RETREG1: variants seen among roughly 807,000 people sequenced by gnomAD.
RETREG1 encodes reticulophagy regulator 1, also known as family with sequence similarity 134 member B.
A neutral mutation model predicts 54.8 loss-of-function variants in RETREG1; 44 were observed. The observed-to-expected ratio is 0.80, with a 90% CI of 0.63 to 1.03. RETREG1 has a LOEUF of 1.03. Among genes scored for constraint, RETREG1 ranks in the 50% least tolerant of loss-of-function variants. RETREG1 has a pLI of 0.00. For missense variants in RETREG1, 554 were observed against 605.1 expected (o/e 0.92, Z 0.89); for synonymous variants, 217 against 238.5 (o/e 0.91, Z 0.83).
intron 3 of RETREG1, among the ~76,000 whole-genome samples, chr5:16,483,883 A>G (rs552256046): frequency 6.6e-6 from 1 of 152,204 alleles, no homozygotes; most frequent in East Asian, 1.9e-4. Context: ...ACTCCAGCAA[A>G]GTCAACCAGA....
chr5:16,493,587 T>C (rs11133848), intron 3 of RETREG1, among the ~76,000 whole-genome samples: 37,640 of 152,006 alleles, frequency 0.25, 5,336 homozygotes, highest in Admixed American at 0.43. Flanking sequence ...GCTGGCTCAT[T>C]TAGATATAAG....
At chr5:16,480,899 C>T (rs1738741286) in intron 5 of RETREG1, 110 bp downstream of exon 5, 1 of 739,518 alleles carries the variant, frequency 1.4e-6, no homozygotes, top group South Asian at 1.5e-5. Flanking sequence ...GAATAATCAA[C>T]TTGTATTATA....
At chr5:16,600,070 G>A (rs1743010875) in intron 1 of RETREG1, among the ~76,000 whole-genome samples, 3 of 152,108 alleles carry the variant, frequency 2.0e-5, no homozygotes, top group Non-Finnish European at 2.9e-5. Context: ...GCGTGACCTC[G>A]GCTCACTGCA....
At chr5:16,510,818 CAAAAAAAAAA>C (rs57713373) in intron 3 of RETREG1, among the ~76,000 whole-genome samples, 1 of 75,688 alleles carries the variant, frequency 1.3e-5, no homozygotes, top group South Asian at 4.9e-4. Flanking sequence ...ACAACAACAA[CAAAAAAAAAA>C]AAAAAAAAAA....
chr5:16,564,310 C>T lies in RETREG1; in HGVS notation c.458+1453G>A, dbSNP rs150941035. Among the ~76,000 whole-genome samples the T allele has an allele frequency of 2.2e-3, 331 of 152,294 alleles. 1 individual carries two copies. Among genetic ancestry groups the T allele is most frequent in the African/African-American group, 7.0e-3 (289 of 41,552 alleles). ...ATAGATGTCTTTTACTGATTTCCAA[C>T]ATTATACTGCATAAATCAGATCCTA... On this transcript the variant is annotated intron_variant, in intron 3 of 8. Coordinates refer to ENST00000306320, the MANE Select transcript of RETREG1 (RefSeq NM_001034850.3).
At chr5:16,554,987 C>A (rs1015321978) in intron 3 of RETREG1, among the ~76,000 whole-genome samples, 1 of 152,136 alleles carries the variant, frequency 6.6e-6, no homozygotes, top group East Asian at 1.9e-4. Context: ...TTCCTGAGTG[C>A]CACATTACAA....
At chr5:16,581,794 G>A (rs887840644) in intron 1 of RETREG1, among the ~76,000 whole-genome samples, 2 of 152,062 alleles carry the variant, frequency 1.3e-5, no homozygotes, top group African/African-American at 4.8e-5. Flanking sequence ...TTTAGTGAGA[G>A]TTACATGTTC....
chr5:16,479,051 T>C, intron 5 of RETREG1, 64 bp from the exon 6 acceptor site: 1 of 1,500,940 alleles, frequency 6.7e-7, no homozygotes, highest in Non-Finnish European at 9.2e-7. Context: ...TACATTTCAG[T>C]ATTTCACAAA....
rs77852790 is a variant in RETREG1 at position 16,498,129 on chromosome 5, T to C, written c.459-14657A>G. On this transcript the variant is annotated intron_variant, in intron 3 of 8. Coordinates refer to ENST00000306320, the MANE Select transcript of RETREG1 (RefSeq NM_001034850.3). ...AGGAAGTTTTCACAATATTTCGGAA[T>C]GGAGAAACTATGACTACAGTCATGC... Among the ~76,000 whole-genome samples the C allele has an allele frequency of 4.6e-5, 7 of 152,208 alleles. No homozygotes were observed. The East Asian group carries it at 5.8e-4, about 13-fold the overall frequency.
intron 8 of RETREG1, among the ~76,000 whole-genome samples, chr5:16,477,435 T>A (rs1446042932): frequency 1.3e-5 from 2 of 152,206 alleles, no homozygotes; most frequent in Non-Finnish European, 2.9e-5. Context: ...AGGCATTTCA[T>A]ATAAATGGAA....
At chr5:16,551,854 G>A (rs1463719625) in intron 3 of RETREG1, among the ~76,000 whole-genome samples, 1 of 152,184 alleles carries the variant, frequency 6.6e-6, no homozygotes, top group Non-Finnish European at 1.5e-5. Context: ...GGCTCTCGGG[G>A]AGATGGTGTC....
chr5:16,541,841 T>A (rs1487547100), intron 3 of RETREG1, among the ~76,000 whole-genome samples: 3 of 151,464 alleles, frequency 2.0e-5, no homozygotes, highest in Admixed American at 1.3e-4. Flanking sequence ...AGAAATAACA[T>A]CCAGGTTTAA....
intron 3 of RETREG1, among the ~76,000 whole-genome samples, chr5:16,520,630 T>C (rs1740506464): frequency 6.6e-6 from 1 of 152,166 alleles, no homozygotes. Context: ...GCCCAGCCAA[T>C]AGTTTTTTTA....
intron 3 of RETREG1, among the ~76,000 whole-genome samples, chr5:16,485,852 G>A (rs1053831458): frequency 1.3e-5 from 2 of 152,168 alleles, no homozygotes; most frequent in Admixed American, 6.5e-5. Flanking sequence ...TTTGTGTCTT[G>A]CATCACACTA....
At chr5:16,532,711 C>A (rs1181837698) in intron 3 of RETREG1, among the ~76,000 whole-genome samples, 6 of 152,196 alleles carry the variant, frequency 3.9e-5, no homozygotes, top group Non-Finnish European at 8.8e-5. Flanking sequence ...CTTGGGAAAG[C>A]AAGCTAGGTT....
At chr5:16,589,889 C>T (rs1257656287) in intron 1 of RETREG1, among the ~76,000 whole-genome samples, 1 of 152,186 alleles carries the variant, frequency 6.6e-6, no homozygotes, top group African/African-American at 2.4e-5. Flanking sequence ...TGAGCAGGGC[C>T]ACCTCAAGGC....
chr5:16,616,882 G>GGGCGGT lies in RETREG1; in HGVS notation c.84_89dup (p.Pro29_Pro30dup), dbSNP rs1743533580. Reference sequence around the variant, plus strand: ...GCTGCCGCTCTGCGGGGGATGCCTGGGGCGGTGGCGGCGACGGCGGCGCCT... The same window carrying GGGCGGT: ...GCTGCCGCTCTGCGGGGGATGCCTGGGGCGGTGGCGGTGGCGGCGACGGCGGCGCCT... On this transcript the variant is annotated inframe_insertion, in exon 1 of 9. Transcript: ENST00000306320. 6.7e-7 allele frequency: 1 copy of GGGCGGT among 1,485,950 alleles called. No individual in the cohort carries two copies. The highest frequency in any genetic ancestry group is 1.5e-5 in the African/African-American group (1 of 68,344). The allele number at this position is 1,485,950 out of a possible 1,614,324, so 92.0% of individuals were successfully genotyped here.
At chr5:16,484,286 C>T (rs1176922200) in intron 3 of RETREG1, among the ~76,000 whole-genome samples, 2 of 152,098 alleles carry the variant, frequency 1.3e-5, no homozygotes, top group African/African-American at 4.8e-5. Context: ...CATTCCCTAA[C>T]ATTACAATGA....
chr5:16,592,648 C>T (rs985756508), intron 1 of RETREG1, among the ~76,000 whole-genome samples: 1 of 152,094 alleles, frequency 6.6e-6, no homozygotes, highest in Admixed American at 6.6e-5. Flanking sequence ...CAGAATCAAC[C>T]TAAATGCTCA....
Sources: allele counts gnomAD v4.1 joint callset (sites outside exome capture counted in the v4.1 genomes callset), GRCh38; gene constraint gnomAD v4.1.1; transcripts MANE v1.5; gene names NCBI Gene and HGNC (gene_info 2026-07-23, HGNC 2026-07-21).